The following PSG1 variants were observed in gnomAD, a reference collection of about 807,000 sequenced individuals.
PSG1 encodes the protein pregnancy specific beta-1-glycoprotein 1.
In PSG1, 60 loss-of-function variants were observed where a neutral mutation model predicts 41.4. The ratio of observed to expected loss-of-function variants is 1.45; its 90% CI spans 1.18 to 1.80. The LOEUF (loss-of-function observed/expected upper bound fraction) is 1.80. PSG1 is among the 40% of genes most tolerant of loss of function. The probability of loss-of-function intolerance (pLI) is 0.00; values close to 1 mark genes in which losing one functional copy is unlikely to be tolerated. For synonymous variants in PSG1, 256 were observed against 192.9 expected (o/e 1.33, Z -2.71); for missense variants, 806 against 516.9 (o/e 1.56, Z -5.42).
rs781721325 is a variant in PSG1, at chr19:42,879,505, G to A, written c.64+13C>T. On this transcript the variant is annotated intron_variant, in intron 1 of 5. Transcript: ENST00000436291. ...TCCTCCTCCTGTCCTCTCCCAGGAAGTTCTCTCCTCACCTGTGAGCAGGAG... is the reference window on the plus strand; with the variant it reads ...TCCTCCTCCTGTCCTCTCCCAGGAAATTCTCTCCTCACCTGTGAGCAGGAG... The A allele has an allele frequency of 2.5e-6, 4 of 1,608,670 alleles. No homozygotes were observed. In the Admixed American group the frequency reaches 6.7e-5, roughly 27 times the overall value.
Position 42,866,842 on chromosome 19 carries a change from T to A in PSG1, c.*292A>T. ...AGAGGCAGGCATGAGCAAGGACAGTTAAGAGGGGGGAGAGCCTCATCATGA... is the reference window on the plus strand; with the variant it reads ...AGAGGCAGGCATGAGCAAGGACAGTAAAGAGGGGGGAGAGCCTCATCATGA... On this transcript the variant is annotated 3_prime_UTR_variant, in exon 6 of 6. Transcript: ENST00000436291. The A allele has an allele frequency of 3.2e-6, 2 of 617,148 alleles. No homozygotes were observed. Among genetic ancestry groups the A allele is most frequent in the South Asian group, 1.9e-5 (1 of 52,972 alleles). 38.2% of individuals were successfully genotyped at this position (617,148 alleles called of 1,614,324 possible). A position where few individuals can be genotyped will look rare whatever the true frequency, so the allele number is the denominator to read the frequency against.
Position 42,868,640 on chromosome 19 carries a change from G to A in PSG1, c.988+116C>T, listed in dbSNP as rs1419392330. 87 of 1,550,074 alleles carry A rather than the reference G, an allele frequency of 5.6e-5. 2 individuals are homozygous for A. The highest frequency in any genetic ancestry group is 6.4e-5 in the Non-Finnish European group (74 of 1,149,340). ...AGGGCAGGGAGTCATGGCCAGCTCC[G>A]ATGTCCAGAAGTAAAGGTGTCTATA... is the stretch of plus-strand genomic sequence containing the variant. On this transcript the variant is annotated intron_variant, in intron 4 of 5. Coordinates refer to ENST00000436291, the MANE Select transcript of PSG1 (RefSeq NM_001184825.2).
Position 42,871,796 on chromosome 19 carries a change from C to T in PSG1, c.680G>A (p.Arg227His), listed in dbSNP as rs539827933. The change falls in exon 3 of 6, where the codon CGC becomes CAC. Residue 227 changes from arginine to histidine, a missense_variant. Arg to His is a conservative substitution (Grantham distance 29, BLOSUM62 0). Transcript: ENST00000436291. Reference protein sequence around the residue: ...CEIRNPVSASRSDPVTLNLLP... With the variant: ...CEIRNPVSASHSDPVTLNLLP... ...GAGATTCAGGGTGACTGGGTCACTGCGGCTGGCACTCACTGGGTTCCGTAT... is the reference window on the plus strand; with the variant it reads ...GAGATTCAGGGTGACTGGGTCACTGTGGCTGGCACTCACTGGGTTCCGTAT... The T allele has an allele frequency of 8.2e-5, 133 of 1,612,562 alleles. 3 individuals are homozygous for T. The highest frequency in any genetic ancestry group is 1.7e-4 in the Middle Eastern group (1 of 6,060).
At chr19:42,874,950 A>G (rs564906725) in intron 2 of PSG1, among the ~76,000 whole-genome samples, 1 of 151,740 alleles carries the variant, frequency 6.6e-6, no homozygotes, top group South Asian at 2.1e-4. Flanking sequence ...CAAGCTTGTT[A>G]TATGCCTGAC....
Position 42,879,616 on chromosome 19 carries a change from A to G in PSG1, c.-35T>C. ...TGCTTGTGTGTTCTCCTCTGTGGAG[A>G]TAAGCCTAGGATCCAGAAACTCTCT... On this transcript the variant is annotated 5_prime_UTR_variant, in exon 1 of 6. Coordinates refer to ENST00000436291, the MANE Select transcript of PSG1 (RefSeq NM_001184825.2). 2 of 1,607,478 alleles carry G rather than the reference A, an allele frequency of 1.2e-6. No individual in the cohort carries two copies.
rs1361421324 is a variant in PSG1 at position 42,877,910 on chromosome 19, T to C, written c.430+3A>G. 2.6e-5 allele frequency: 42 copies of C among 1,611,942 alleles called. No homozygotes were observed. Among genetic ancestry groups the C allele is most frequent in the Non-Finnish European group, 3.4e-5 (40 of 1,178,922 alleles). ...CACCCAGGGATCATGTGGAATCACT[T>C]ACGGTGTAAGGTGAAGGTGAAACGT... is the stretch of plus-strand genomic sequence containing the variant. On this transcript the variant is annotated splice_donor_region_variant and intron_variant, in intron 2 of 5. Transcript: ENST00000436291.
chr19:42,872,027 G>A lies in PSG1; in HGVS notation c.449C>T (p.Ser150Phe). Residue 150 changes from serine (S) to phenylalanine (F), a missense_variant, in exon 3 of 6, where the codon TCC becomes TTC. Ser to Phe is a radical substitution (Grantham distance 155). Coordinates refer to ENST00000436291, the MANE Select transcript of PSG1 (RefSeq NM_001184825.2). Reference protein sequence around the residue: ...FTLHLETPKPSISSSNLNPRE... With the variant: ...FTLHLETPKPFISSSNLNPRE... ...GGGATTTAAGTTGCTGCTGGAGATG[G>A]AGGGCTTAGGAGTCTCCACTGTGCA... 6.2e-7 allele frequency: 1 copy of A among 1,612,074 alleles called. No homozygotes were observed. The highest frequency in any genetic ancestry group is 8.5e-7 in the Non-Finnish European group (1 of 1,179,034).
chr19:42,868,174 C>G lies in PSG1; in HGVS notation c.1170G>C (p.Gly390=), dbSNP rs746654561. 1.7e-5 allele frequency: 27 copies of G among 1,612,236 alleles called. 1 individual carries two copies. The East Asian group carries it at 6.0e-4, about 36-fold the overall frequency. The part of the protein sequence containing the change: ...FIRHITTKHS[G]LYVCSVRNSA... ...AGTTACGAACAGAGCAAACATAGAG[C>G]CCGCTATGCTTTGTAGTAATATGGC... Residue 390 remains glycine, a synonymous_variant, in exon 5 of 6, where the codon GGG becomes GGC. Transcript: ENST00000436291.
chr19:42,872,146 C>T, intron 2 of PSG1, 101 bp from the exon 3 acceptor site: 1 of 1,478,090 alleles, frequency 6.8e-7, no homozygotes, highest in Non-Finnish European at 9.1e-7. Context: ...TCAGCCCACC[C>T]AAGTCCTTAA....
At chr19:42,877,486 C>G (rs984114547) in intron 2 of PSG1, among the ~76,000 whole-genome samples, 1 of 151,706 alleles carries the variant, frequency 6.6e-6, no homozygotes, top group African/African-American at 2.4e-5. Flanking sequence ...GGCTCCTCAG[C>G]TTTATCTGGA....
At chr19:42,873,715 G>A (rs1460651573) in intron 2 of PSG1, among the ~76,000 whole-genome samples, 4 of 151,618 alleles carry the variant, frequency 2.6e-5, no homozygotes, top group African/African-American at 4.9e-5. Flanking sequence ...TGAAAGGACC[G>A]AACTGGTCAG....
At position 42,879,648 on chromosome 19, in the gene PSG1, G is replaced by T; in HGVS notation, c.-67C>A. On this transcript the variant is annotated 5_prime_UTR_variant, in exon 1 of 6. Transcript: ENST00000436291. ...TAGGATCCAGAAACTCTCTGAGCAC[G>T]GCTGTCAGCTGTGCTGTCCTTCCTC... The T allele has an allele frequency of 6.3e-7, 1 of 1,587,128 alleles. No individual in the cohort carries two copies. Among genetic ancestry groups the T allele is most frequent in the South Asian group, 1.1e-5 (1 of 89,650 alleles).
In PSG1 at chr19:42,868,192, A is replaced by G. The variant is rs759704931; in HGVS notation, c.1152T>C (p.Ile384=). The G allele has an allele frequency of 8.7e-6, 14 of 1,612,244 alleles. No individual in the cohort carries two copies. The Admixed American group carries it at 2.2e-4, about 25-fold the overall frequency. Residue 384 remains isoleucine (I), a synonymous_variant, in exon 5 of 6, where the codon ATT becomes ATC. Coordinates refer to ENST00000436291, the MANE Select transcript of PSG1 (RefSeq NM_001184825.2). ...LPGQKLFIRH[I]TTKHSGLYVC... The stretch of plus-strand genomic sequence containing the variant: ...CATAGAGCCCGCTATGCTTTGTAGT[A>G]ATATGGCGGATAAAGAGCTTTTGTC...
At chr19:42,874,198 AT>A (rs1213118945) in intron 2 of PSG1, 4 of 151,674 alleles carry the variant, frequency 2.6e-5, no homozygotes, top group Admixed American at 6.6e-5. Context: ...ATGAAGTTGA[AT>A]ATGTTGTTCC....
chr19:42,876,459 A>C (rs989288654), intron 2 of PSG1, among the ~76,000 whole-genome samples: 3 of 150,990 alleles, frequency 2.0e-5, no homozygotes, highest in African/African-American at 7.3e-5. Context: ...TGTGGCTAGA[A>C]CCTCCTAGGA....
chr19:42,868,057 C>G (rs1172397019), intron 5 of PSG1, 44 bp downstream of exon 5: 2 of 1,612,112 alleles, frequency 1.2e-6, no homozygotes, highest in African/African-American at 1.3e-5. Flanking sequence ...GCCAGATAGA[C>G]TCCACCTAAA....
Position 42,875,799 on chromosome 19 carries a change from A to T in PSG1, c.430+2114T>A, listed in dbSNP as rs949683201. Reference sequence around the variant, plus strand: ...TTCTTTACTGCAAACCGCCATTTCAATTATTTTATTTTATTTATTTATTTG... The same window carrying T: ...TTCTTTACTGCAAACCGCCATTTCATTTATTTTATTTTATTTATTTATTTG... On this transcript the variant is annotated intron_variant, in intron 2 of 5. Coordinates refer to ENST00000436291, the MANE Select transcript of PSG1 (RefSeq NM_001184825.2). Among the ~76,000 whole-genome samples, 4 of 149,026 alleles carry T rather than the reference A, an allele frequency of 2.7e-5. 1 individual carries two copies. Among genetic ancestry groups the T allele is most frequent in the Non-Finnish European group, 4.5e-5 (3 of 67,368 alleles).
chr19:42,869,777 T>C (rs535248489), intron 3 of PSG1: 1 of 152,020 alleles, frequency 6.6e-6, no homozygotes, highest in South Asian at 2.1e-4. Context: ...TTGGGTTCTT[T>C]AAGTTTCCTC....
At chr19:42,876,047 T>C (rs975047724) in intron 2 of PSG1, among the ~76,000 whole-genome samples, 7 of 151,452 alleles carry the variant, frequency 4.6e-5, no homozygotes, top group East Asian at 1.9e-4. Flanking sequence ...ATGATTTCTG[T>C]GCCTTTCCTC....
Sources: gnomAD v4.1 joint callset for allele counts (sites outside exome capture counted in the v4.1 genomes callset) on GRCh38, gnomAD v4.1.1 for gene constraint, MANE v1.5 for transcripts, NCBI Gene and HGNC (gene_info 2026-07-23, HGNC 2026-07-21) for gene names.